HSD17B3: variants seen among roughly 807,000 people sequenced by gnomAD.
HSD17B3 encodes 17-beta-hydroxysteroid dehydrogenase type 3.
Under a neutral mutation model 41.1 loss-of-function variants are expected in HSD17B3, and 29 were observed. The ratio of observed to expected loss-of-function variants is 0.71; its 90% CI spans 0.53 to 0.96. The LOEUF (loss-of-function observed/expected upper bound fraction) is 0.96, where lower values mean the gene tolerates loss of function less well. HSD17B3 is among the 40% of genes least tolerant of loss of function. The pLI is 0.00. For missense variants in HSD17B3, 323 were observed against 374.6 expected, an observed-to-expected ratio of 0.86 and a Z score of 1.14; for synonymous variants, 126 against 145.6, an observed-to-expected ratio of 0.87 and a Z score of 0.97.
chr9:96,244,759 C>T (rs1836592364), intron 8 of HSD17B3, among the ~76,000 whole-genome samples: 1 of 152,024 alleles, frequency 6.6e-6, no homozygotes, highest in Non-Finnish European at 1.5e-5. Flanking sequence ...TATCACCTTG[C>T]ATACTATAAA....
At chr9:96,238,910 G>A (rs771824178) in intron 10 of HSD17B3, among the ~76,000 whole-genome samples, 3 of 152,194 alleles carry the variant, frequency 2.0e-5, no homozygotes, top group African/African-American at 4.8e-5. Flanking sequence ...ATCTCAGCAT[G>A]GTGAGACAGG....
chr9:96,243,447 T>A (rs1278119981), intron 9 of HSD17B3, among the ~76,000 whole-genome samples: 1 of 152,234 alleles, frequency 6.6e-6, no homozygotes, highest in East Asian at 1.9e-4. Context: ...AGCTTTACCC[T>A]GTAGCTGGTT....
chr9:96,286,758 C>T (rs187038940), intron 2 of HSD17B3, among the ~76,000 whole-genome samples: 1 of 151,718 alleles, frequency 6.6e-6, no homozygotes, highest in East Asian at 1.9e-4. Context: ...CTCACTGCTA[C>T]ACCCCCACCA....
chr9:96,296,664 T>A (rs1827371139), intron 2 of HSD17B3, among the ~76,000 whole-genome samples: 1 of 152,024 alleles, frequency 6.6e-6, no homozygotes, highest in African/African-American at 2.4e-5. Flanking sequence ...GAAGAAAAAT[T>A]CAGAAAAAAA....
At chr9:96,251,526 G>A in intron 4 of HSD17B3, 41 bp from the exon 5 acceptor site, 1 of 1,546,758 alleles carries the variant, frequency 6.5e-7, no homozygotes. Context: ...CAGAAGATCA[G>A]GTGGGAGATT....
chr9:96,263,408 T>C (rs1825933438), intron 2 of HSD17B3, among the ~76,000 whole-genome samples: 1 of 152,042 alleles, frequency 6.6e-6, no homozygotes, highest in Non-Finnish European at 1.5e-5. Context: ...GACAAACTCA[T>C]GTCTGCAATT....
intron 2 of HSD17B3, among the ~76,000 whole-genome samples, chr9:96,257,958 C>A (rs894772684): frequency 1.3e-5 from 2 of 152,180 alleles, no homozygotes; most frequent in Admixed American, 1.3e-4. Context: ...GCCACCCCAC[C>A]CGGCCCCTTT....
chr9:96,252,716 A>G, intron 4 of HSD17B3, 87 bp downstream of exon 4: 1 of 804,670 alleles, frequency 1.2e-6, no homozygotes, highest in South Asian at 1.3e-5. Context: ...AGTATAAATC[A>G]CCATGAAATA....
At chr9:96,298,251 A>G (rs546011863) in intron 2 of HSD17B3, among the ~76,000 whole-genome samples, 165 bp downstream of exon 2, 36 of 152,314 alleles carry the variant, frequency 2.4e-4, no homozygotes, top group East Asian at 1.5e-3. Context: ...AAAGAGATCC[A>G]GGGAGTGAGA....
chr9:96,268,081 C>T (rs974307127), intron 2 of HSD17B3, among the ~76,000 whole-genome samples: 3 of 152,156 alleles, frequency 2.0e-5, no homozygotes, highest in Admixed American at 6.5e-5. Flanking sequence ...CACGCCACCA[C>T]GCCCAGCTAA....
At chr9:96,257,473 G>A (rs1825714024) in intron 2 of HSD17B3, among the ~76,000 whole-genome samples, 6 of 150,414 alleles carry the variant, frequency 4.0e-5, no homozygotes, top group Admixed American at 3.3e-4. Context: ...GGCATATATA[G>A]GCACATATAG....
rs907741973 is a variant in HSD17B3, at chr9:96,249,628, CA to C, written c.489+122del. 9.3e-6 allele frequency: 8 copies of C among 861,992 alleles called. No individual in the cohort carries two copies. In the African/African-American group the frequency reaches 1.3e-4, roughly 14 times the overall value. The allele number at this position is 861,992 out of a possible 1,614,324, so 53.4% of individuals were successfully genotyped here. ...ATTACAAGACCACGACATGGCCTCT[CA>C]ACTAAGTGTGGTTCGATTTCAAAGA... On this transcript the variant is annotated intron_variant, in intron 6 of 10. Coordinates refer to ENST00000375263, the MANE Select transcript of HSD17B3 (RefSeq NM_000197.2).
chr9:96,286,002 T>G (rs189495124), intron 2 of HSD17B3, among the ~76,000 whole-genome samples: 2 of 152,254 alleles, frequency 1.3e-5, no homozygotes, highest in East Asian at 3.9e-4. Context: ...AGTCACAAGG[T>G]GAGATAGGAG....
intron 2 of HSD17B3, among the ~76,000 whole-genome samples, chr9:96,255,550 C>T (rs933548542): frequency 6.6e-6 from 1 of 151,654 alleles, no homozygotes; most frequent in Admixed American, 6.6e-5. Context: ...CCGCCAAGCC[C>T]GGCTAATTTT....
intron 2 of HSD17B3, among the ~76,000 whole-genome samples, chr9:96,285,248 C>T (rs1251132556): frequency 6.6e-6 from 1 of 152,180 alleles, no homozygotes; most frequent in Non-Finnish European, 1.5e-5. Flanking sequence ...CATGATTTGT[C>T]TTTACTAAAA....
intron 10 of HSD17B3, chr9:96,239,371 A>G (rs1335924514): frequency 6.6e-6 from 1 of 152,186 alleles, no homozygotes; most frequent in Non-Finnish European, 1.5e-5. Context: ...CTCAGTTTAG[A>G]CTCATTGGAC....
intron 9 of HSD17B3, 83 bp downstream of exon 9, chr9:96,244,246 G>A (rs1009210299): frequency 1.4e-5 from 19 of 1,340,002 alleles, no homozygotes; most frequent in Non-Finnish European, 1.7e-5. Flanking sequence ...AGCCACGGGA[G>A]GTCCAGAGTA....
At chr9:96,297,868 T>G (rs1402958530) in intron 2 of HSD17B3, among the ~76,000 whole-genome samples, 1 of 152,196 alleles carries the variant, frequency 6.6e-6, no homozygotes, top group Non-Finnish European at 1.5e-5. Context: ...TTTTAAAGTA[T>G]AATTATCAAT....
Position 96,272,405 on chromosome 9 carries a change from CTATATA to C in HSD17B3, c.202-17468_202-17463del, listed in dbSNP as rs1199705437. ...TCTCTCTCTCTCTCTCTCTCTCTCT[CTATATA>C]TATATATATATATATATATATATAT... On this transcript the variant is annotated intron_variant, in intron 2 of 10. Transcript: ENST00000375263. Among the ~76,000 whole-genome samples the C allele has an allele frequency of 7.9e-3, 170 of 21,508 alleles. 2 individuals are homozygous for C. The highest frequency in any genetic ancestry group is 0.017 in the African/African-American group (104 of 6,250). The allele number at this position is 21,508 out of a possible 152,430, so 14.1% of individuals were successfully genotyped here.
Sources: allele counts gnomAD v4.1 joint callset (sites outside exome capture counted in the v4.1 genomes callset), GRCh38; gene constraint gnomAD v4.1.1; transcripts MANE v1.5; gene names NCBI Gene and HGNC (gene_info 2026-07-23, HGNC 2026-07-21).